The following MICAL3 variants were observed in gnomAD, a reference collection of about 807,000 sequenced individuals.
MICAL3 encodes [F-actin]-monooxygenase MICAL3.
Under a neutral mutation model 207.4 loss-of-function variants are expected in MICAL3, and 62 were observed. That is an observed-to-expected ratio of 0.30 (90% confidence interval 0.24 to 0.37). MICAL3 has a LOEUF of 0.37. Among genes scored for constraint, MICAL3 ranks in the 10% least tolerant of loss-of-function variants. The pLI, the probability that MICAL3 is intolerant of heterozygous loss-of-function variation, is 1.00. For missense variants in MICAL3, 2,368 were observed against 2,635.6 expected (o/e 0.90, Z 2.22); for synonymous variants, 1,077 against 1,069.3 (o/e 1.01, Z -0.14).
At chr22:17,886,619 G>A (rs1406302609) in intron 15 of MICAL3, among the ~76,000 whole-genome samples, 1 of 151,968 alleles carries the variant, frequency 6.6e-6, no homozygotes. Context: ...AGCCTGGCCA[G>A]CATGGTGAAA....
In MICAL3 at chr22:17,796,789, G is replaced by C. The variant is rs79275397; in HGVS notation, c.5651-5488C>G. 0.011 allele frequency among the ~76,000 whole-genome samples: 1,610 copies of C among 152,260 alleles called. 30 individuals carry two copies. Among genetic ancestry groups the C allele is most frequent in the African/African-American group, 0.036 (1,477 of 41,546 alleles). On this transcript the variant is annotated intron_variant, in intron 29 of 31. Transcript: ENST00000441493. The surrounding 1 kb of genome is among the most constrained non-coding windows in gnomAD (Gnocchi z 4.4). ...CAGTGAAGGCAGGACCTGAATCCAGGCCTGGCCTTCCTAAGTCGGGGTACC... is the reference window on the plus strand; with the variant it reads ...CAGTGAAGGCAGGACCTGAATCCAGCCCTGGCCTTCCTAAGTCGGGGTACC...
intron 20 of MICAL3, among the ~76,000 whole-genome samples, chr22:17,837,864 G>GT (rs1569087967): frequency 6.6e-6 from 1 of 152,136 alleles, no homozygotes; most frequent in African/African-American, 2.4e-5. Context: ...GTTTTGTTTT[G>GT]TTTTTGAGCC....
intron 29 of MICAL3, among the ~76,000 whole-genome samples, chr22:17,795,551 G>C (rs1047132224): frequency 2.6e-5 from 4 of 152,178 alleles, no homozygotes; most frequent in Non-Finnish European, 1.5e-5. Context: ...ATCCTCATAC[G>C]CCCTTCCCAA....
chr22:17,886,147 G>T (rs1929850714), intron 15 of MICAL3, 96 bp from the exon 16 acceptor site: 2 of 1,336,180 alleles, frequency 1.5e-6, no homozygotes, highest in East Asian at 2.3e-5. Context: ...TGGCATGGGG[G>T]CTGGTGGACT....
At chr22:17,815,987 A>G (rs1275999636) in intron 27 of MICAL3, among the ~76,000 whole-genome samples, 1 of 152,238 alleles carries the variant, frequency 6.6e-6, no homozygotes, top group East Asian at 1.9e-4. Context: ...AGCAGGAGAC[A>G]GCCGGGTTGC....
intron 20 of MICAL3, among the ~76,000 whole-genome samples, chr22:17,837,353 C>G (rs183554660): frequency 1.3e-5 from 2 of 152,226 alleles, no homozygotes; most frequent in African/African-American, 4.8e-5. Flanking sequence ...CAGACAGCAA[C>G]GCCTGCCATC....
intron 1 of MICAL3, among the ~76,000 whole-genome samples, chr22:17,920,167 G>A (rs1284172260): frequency 3.3e-5 from 5 of 152,246 alleles, no homozygotes; most frequent in South Asian, 2.1e-4. Context: ...AGCTGCACGC[G>A]TGAAACGCCA....
intron 1 of MICAL3, among the ~76,000 whole-genome samples, chr22:18,013,042 A>T (rs1054993842): frequency 3.3e-5 from 5 of 152,182 alleles, no homozygotes; most frequent in Admixed American, 6.5e-5. Context: ...AAGGCAGCAC[A>T]TGGTCCAGCC....
intron 29 of MICAL3, among the ~76,000 whole-genome samples, chr22:17,807,346 GC>G (rs1419874143): frequency 6.6e-6 from 1 of 152,228 alleles, no homozygotes; most frequent in Non-Finnish European, 1.5e-5. Flanking sequence ...GGGCAGGGGG[GC>G]AGGGGCACCG....
chr22:17,922,319 C>T (rs1479205211), intron 1 of MICAL3, among the ~76,000 whole-genome samples: 1 of 152,164 alleles, frequency 6.6e-6, no homozygotes, highest in Non-Finnish European at 1.5e-5. Context: ...ACAGAAGTCT[C>T]GCCTGGGCCA....
chr22:17,978,394 G>A (rs1476880837), intron 1 of MICAL3, among the ~76,000 whole-genome samples: 2 of 152,188 alleles, frequency 1.3e-5, no homozygotes, highest in Non-Finnish European at 2.9e-5. Context: ...AGGGGCTGGA[G>A]AAGGTAACAG....
At chr22:17,830,897 G>A (rs1347526590) in intron 21 of MICAL3, among the ~76,000 whole-genome samples, 2 of 152,196 alleles carry the variant, frequency 1.3e-5, no homozygotes, top group African/African-American at 4.8e-5. Context: ...AGCTCCCAGG[G>A]GACTGGATCA....
At chr22:17,925,655 T>G (rs1400054729) in intron 1 of MICAL3, among the ~76,000 whole-genome samples, 1 of 152,152 alleles carries the variant, frequency 6.6e-6, no homozygotes, top group Non-Finnish European at 1.5e-5. Flanking sequence ...ACCTGGAAAC[T>G]TAAACAATTT....
intron 29 of MICAL3, among the ~76,000 whole-genome samples, chr22:17,808,554 G>A (rs1021009241): frequency 6.6e-6 from 1 of 152,214 alleles, no homozygotes; most frequent in Non-Finnish European, 1.5e-5. Context: ...ATGGTGGGGT[G>A]GGAAGGAGGG....
rs370943598 is a variant in MICAL3 at position 17,796,406 on chromosome 22, G to A, written c.5651-5105C>T. 3.3e-5 allele frequency among the ~76,000 whole-genome samples: 5 copies of A among 152,240 alleles called. No individual in the cohort carries two copies. Among genetic ancestry groups the A allele is most frequent in the East Asian group, 1.9e-4 (1 of 5,200 alleles). ...GAGATGGGCACGGATGGCACTCTCC[G>A]GCTTCAGGGCGCCCTCGCATGCACC... On this transcript the variant is annotated intron_variant, in intron 29 of 31. Coordinates refer to ENST00000441493, the MANE Select transcript of MICAL3 (RefSeq NM_015241.3). The surrounding 1 kb of genome is among the most constrained non-coding windows in gnomAD (Gnocchi z 4.4).
rs1224096439 is a variant in MICAL3 at position 17,821,442 on chromosome 22, G to A, written c.3516C>T (p.His1172=). The change falls in exon 25 of 32, where the codon CAC becomes CAT. Residue 1172 remains histidine (H), a synonymous_variant. Transcript: ENST00000441493. ...AAACCCTTACCTCTGTTGAGGGGCT[G>A]TGGACTGGAATGAACAGAAGAGCTG... The part of the protein sequence containing the change: ...QESALLFIPV[H]SPSTEGPQLP... 1.3e-6 allele frequency: 2 copies of A among 1,544,998 alleles called. No individual in the cohort carries two copies. The highest frequency in any genetic ancestry group is 1.2e-5 in the South Asian group (1 of 83,322).
At chr22:17,802,455 T>C (rs1360755920) in intron 29 of MICAL3, among the ~76,000 whole-genome samples, 2 of 152,106 alleles carry the variant, frequency 1.3e-5, no homozygotes, top group Non-Finnish European at 2.9e-5. Context: ...TTAATTGGAA[T>C]GTAAGCACCG....
chr22:17,881,547 T>A (rs1233477659), intron 16 of MICAL3, among the ~76,000 whole-genome samples: 2 of 145,322 alleles, frequency 1.4e-5, no homozygotes, highest in Non-Finnish European at 3.0e-5. Context: ...TGCAGCACTT[T>A]CCAGGTGCCA....
At chr22:17,798,273 C>T (rs368547607) in intron 29 of MICAL3, among the ~76,000 whole-genome samples, 17 of 152,330 alleles carry the variant, frequency 1.1e-4, no homozygotes, top group African/African-American at 4.1e-4. Flanking sequence ...TGGAGGCTGG[C>T]CCCACACCCT....
Sources: allele counts gnomAD v4.1 joint callset (sites outside exome capture counted in the v4.1 genomes callset), GRCh38; gene constraint gnomAD v4.1.1; non-coding constraint Gnocchi (gnomAD v3.1); transcripts MANE v1.5; gene names NCBI Gene and HGNC (gene_info 2026-07-23, HGNC 2026-07-21).